ACYP2: variants seen among roughly 807,000 people sequenced by gnomAD.
The protein encoded by ACYP2 is acylphosphatase 2.
A neutral mutation model predicts 11.2 loss-of-function variants in ACYP2; 12 were observed. The observed-to-expected ratio is 1.08, with a 90% confidence interval of 0.69 to 1.74. The LOEUF is 1.74. Among genes scored for constraint, ACYP2 ranks in the 40% most tolerant of loss-of-function variants. The pLI is 0.00. For synonymous variants in ACYP2, 43 were observed against 32.2 expected, an observed-to-expected ratio of 1.33 and a Z score of -1.13; for missense variants, 134 against 101.9, an observed-to-expected ratio of 1.31 and a Z score of -1.35.
intron 4 of ACYP2, among the ~76,000 whole-genome samples, chr2:54,075,503 T>TTA (rs770819900): frequency 8.3e-6 from 1 of 120,362 alleles, no homozygotes. Flanking sequence ...GTCTCAAAAT[T>TTA]AAAAAAAAAA....
At chr2:54,202,595 A>T (rs954538566) in intron 6 of ACYP2, among the ~76,000 whole-genome samples, 2 of 146,676 alleles carry the variant, frequency 1.4e-5, no homozygotes, top group African/African-American at 5.1e-5. Flanking sequence ...TTAAGTAGAG[A>T]CAGGGTTTTG....
chr2:54,261,076 A>G (rs567477054), intron 6 of ACYP2, among the ~76,000 whole-genome samples: 54 of 152,092 alleles, frequency 3.6e-4, no homozygotes, highest in Non-Finnish European at 6.8e-4. Flanking sequence ...AATGTCACAG[A>G]CCCTGGTATT....
In ACYP2 at chr2:54,089,114, G is replaced by A. The variant is rs528324015; in HGVS notation, c.277+31754G>A. On this transcript the variant is annotated intron_variant, in intron 4 of 6. Transcript: ENST00000607452. ...TCTCGAAATGGAGTTGAGAAAGTTT[G>A]TTCTATCATTGGATTATTAGCTCCT... 3.3e-5 allele frequency among the ~76,000 whole-genome samples: 5 copies of A among 152,290 alleles called. 1 individual carries two copies. The South Asian group carries it at 1.0e-3, about 32-fold the overall frequency.
chr2:54,149,856 T>C (rs192286420), intron 6 of ACYP2, among the ~76,000 whole-genome samples: 23 of 152,236 alleles, frequency 1.5e-4, no homozygotes, highest in African/African-American at 3.4e-4. Flanking sequence ...CTTGAAGGCA[T>C]TGGGGAATTT....
chr2:53,992,915 T>C (rs1023798705), intron 2 of ACYP2, among the ~76,000 whole-genome samples: 1 of 151,628 alleles, frequency 6.6e-6, no homozygotes, highest in Non-Finnish European at 1.5e-5. Flanking sequence ...GAAAAAAGGT[T>C]TTATGGCCAG....
chr2:54,015,324 C>CAAG (rs1191110238), intron 2 of ACYP2, among the ~76,000 whole-genome samples: 7 of 44,998 alleles, frequency 1.6e-4, no homozygotes, highest in Admixed American at 1.1e-3. Context: ...CCAGCCTGAT[C>CAAG]ATGGAGAAAC....
At chr2:53,980,721 C>G (rs1406939450) in intron 2 of ACYP2, among the ~76,000 whole-genome samples, 1 of 151,982 alleles carries the variant, frequency 6.6e-6, no homozygotes, top group Non-Finnish European at 1.5e-5. Flanking sequence ...CCTACAGACT[C>G]CATTCATGGT....
At chr2:54,285,781 A>C (rs843725) in intron 6 of ACYP2, among the ~76,000 whole-genome samples, 89,544 of 152,050 alleles carry the variant, frequency 0.59, 27,490 homozygotes, top group African/African-American at 0.77. Context: ...AAACATATAT[A>C]ATCTTCCTCC....
intron 4 of ACYP2, among the ~76,000 whole-genome samples, chr2:54,130,665 G>A (rs1680848134): frequency 6.6e-6 from 1 of 152,164 alleles, no homozygotes; most frequent in African/African-American, 2.4e-5. Flanking sequence ...AGACACAGTT[G>A]GAACAGAATT....
chr2:54,152,265 G>C (rs144839506), intron 6 of ACYP2, among the ~76,000 whole-genome samples: 1 of 151,804 alleles, frequency 6.6e-6, no homozygotes, highest in Non-Finnish European at 1.5e-5. Context: ...CTAAAAACAC[G>C]TACATGATGC....
At chr2:54,168,327 T>C (rs1454116438) in intron 6 of ACYP2, among the ~76,000 whole-genome samples, 3 of 152,038 alleles carry the variant, frequency 2.0e-5, no homozygotes, top group Non-Finnish European at 4.4e-5. Flanking sequence ...CTTGGGAGGC[T>C]GAGGGAGGAG....
rs189075000 is a variant in ACYP2, at chr2:54,215,077, T to A, written c.404+76329T>A. Among the ~76,000 whole-genome samples the A allele has an allele frequency of 2.0e-3, 304 of 152,304 alleles. 2 individuals are homozygous for A. Among genetic ancestry groups the A allele is most frequent in the African/African-American group, 7.0e-3 (290 of 41,568 alleles). ...GGATGTTACTGACACATAGAAATGC[T>A]ACTGATTTTTGTATATTGATTTTGT... On this transcript the variant is annotated intron_variant, in intron 6 of 6. Coordinates refer to ENST00000607452, the MANE Select transcript of ACYP2 (RefSeq NM_001320586.2).
At chr2:54,255,752 C>T (rs750236892) in intron 6 of ACYP2, 2 of 1,613,950 alleles carry the variant, frequency 1.2e-6, no homozygotes, top group Non-Finnish European at 1.7e-6. Context: ...GACCTCCCTG[C>T]CCCACAGGTT....
intron 6 of ACYP2, among the ~76,000 whole-genome samples, chr2:54,149,955 T>C (rs1190807912): frequency 6.6e-6 from 1 of 152,212 alleles, no homozygotes; most frequent in African/African-American, 2.4e-5. Context: ...TTCTCTCTTT[T>C]TCCAGAAGGC....
chr2:54,251,233 T>G (rs935449911), intron 6 of ACYP2, among the ~76,000 whole-genome samples: 5 of 152,222 alleles, frequency 3.3e-5, no homozygotes, highest in African/African-American at 1.2e-4. Context: ...TTTTAACCAT[T>G]TGAATGGGCC....
intron 2 of ACYP2, among the ~76,000 whole-genome samples, chr2:53,988,316 A>G (rs1298634670): frequency 6.6e-6 from 1 of 152,158 alleles, no homozygotes; most frequent in Non-Finnish European, 1.5e-5. Flanking sequence ...ATGATTCATC[A>G]TTAGTTAGTT....
At chr2:54,082,027 T>C (rs1435039195) in intron 4 of ACYP2, among the ~76,000 whole-genome samples, 1 of 152,166 alleles carries the variant, frequency 6.6e-6, no homozygotes, top group Non-Finnish European at 1.5e-5. Context: ...GCTCCATATA[T>C]GGTACCACAA....
intron 2 of ACYP2, among the ~76,000 whole-genome samples, chr2:54,008,718 A>T (rs1673203790): frequency 6.6e-6 from 1 of 152,176 alleles, no homozygotes; most frequent in Admixed American, 6.6e-5. Context: ...GCCCAGGCTG[A>T]TCTTGTGAAC....
At chr2:54,205,749 C>G (rs965250452) in intron 6 of ACYP2, among the ~76,000 whole-genome samples, 7 of 152,204 alleles carry the variant, frequency 4.6e-5, no homozygotes, top group African/African-American at 1.4e-4. Flanking sequence ...CTCTACCCCT[C>G]TGAAGTTCAA....
Sources: gnomAD v4.1 joint callset for allele counts (sites outside exome capture counted in the v4.1 genomes callset) on GRCh38, gnomAD v4.1.1 for gene constraint, MANE v1.5 for transcripts, NCBI Gene and HGNC (gene_info 2026-07-23, HGNC 2026-07-21) for gene names.